Variants in PPP1R37 observed in about 807,000 individuals in gnomAD.
PPP1R37 encodes leucine rich repeat containing 68.
Under a neutral mutation model 61.0 loss-of-function variants are expected in PPP1R37, and 21 were observed. The ratio of observed to expected loss-of-function variants is 0.34; its 90% CI spans 0.24 to 0.50. PPP1R37 has a LOEUF of 0.50. Among genes scored for constraint, PPP1R37 ranks in the 20% least tolerant of loss-of-function variants. The pLI is 0.98. For synonymous variants in PPP1R37, 443 were observed against 433.5 expected (o/e 1.02, Z -0.27); for missense variants, 910 against 952.7 (o/e 0.96, Z 0.59).
intron 1 of PPP1R37, among the ~76,000 whole-genome samples, chr19:45,100,792 G>C (rs929043133): frequency 3.3e-5 from 5 of 152,170 alleles, no homozygotes; most frequent in African/African-American, 1.2e-4. Context: ...CCCAGCCTTG[G>C]TGGGCACGCA....
rs575509990 is a variant in PPP1R37, at chr19:45,134,035, C to T, written c.203-4479C>T. Among the ~76,000 whole-genome samples, 4 of 152,360 alleles carry T rather than the reference C, an allele frequency of 2.6e-5. No homozygotes were observed. In the South Asian group the frequency reaches 8.3e-4, roughly 32 times the overall value. ...AACTGTTTCACGCTGCCATTTTCTT[C>T]TTAGCCACCTCCTCACACCATTTTA... On this transcript the variant is annotated intron_variant, in intron 1 of 12. Transcript: ENST00000221462.
chr19:45,143,845 T>C (rs1235248625), intron 8 of PPP1R37: 2 of 423,922 alleles, frequency 4.7e-6, no homozygotes, highest in African/African-American at 4.2e-5. Flanking sequence ...TCCTTTTTTT[T>C]TTTGAGACCG....
At chr19:45,133,857 T>C (rs2122744672) in intron 1 of PPP1R37, among the ~76,000 whole-genome samples, 1 of 152,346 alleles carries the variant, frequency 6.6e-6, no homozygotes, top group Non-Finnish European at 1.5e-5. Flanking sequence ...GCTGGCCCTG[T>C]GGTCAGACGT....
At chr19:45,128,094 A>G (rs1968431762) in intron 1 of PPP1R37, among the ~76,000 whole-genome samples, 1 of 152,174 alleles carries the variant, frequency 6.6e-6, no homozygotes, top group African/African-American at 2.4e-5. Flanking sequence ...ATAATTATGT[A>G]TTAATAAAAT....
At chr19:45,110,529 A>G (rs748628133) in intron 1 of PPP1R37, among the ~76,000 whole-genome samples, 1 of 152,092 alleles carries the variant, frequency 6.6e-6, no homozygotes, top group Non-Finnish European at 1.5e-5. Context: ...GTTTTCCCCT[A>G]TAATATGCAT....
chr19:45,124,852 T>C (rs1425501188), intron 1 of PPP1R37, among the ~76,000 whole-genome samples: 3 of 149,318 alleles, frequency 2.0e-5, no homozygotes, highest in Non-Finnish European at 4.4e-5. Flanking sequence ...GTGCCTGTAG[T>C]CTCAGCTACT....
At chr19:45,113,151 C>T (rs1296248669) in intron 1 of PPP1R37, among the ~76,000 whole-genome samples, 1 of 152,166 alleles carries the variant, frequency 6.6e-6, no homozygotes, top group Non-Finnish European at 1.5e-5. Flanking sequence ...GTGAAGCCCA[C>T]CCGGCCCTCT....
chr19:45,131,563 T>C (rs928306211), intron 1 of PPP1R37, among the ~76,000 whole-genome samples: 3 of 152,082 alleles, frequency 2.0e-5, no homozygotes, highest in African/African-American at 7.2e-5. Context: ...ATCATAGGGG[T>C]GCTGAGCTGG....
chr19:45,104,029 C>A (rs957367463), intron 1 of PPP1R37, among the ~76,000 whole-genome samples: 1 of 152,132 alleles, frequency 6.6e-6, no homozygotes, highest in Admixed American at 6.5e-5. Flanking sequence ...GCACGCCCCT[C>A]GCTAGTCCCC....
At chr19:45,138,366 GA>G in intron 1 of PPP1R37, 147 bp from the exon 2 acceptor site, 1 of 626,108 alleles carries the variant, frequency 1.6e-6, no homozygotes, top group South Asian at 2.0e-5. Context: ...CGGGGGGCCT[GA>G]AAGGGAGGAC....
Position 45,108,632 on chromosome 19 carries a change from T to G in PPP1R37, c.202+15105T>G, listed in dbSNP as rs192953139. ...TAACTTCGGTTTTGTTTGTTTGTTT[T>G]GTATTTTTGTGGGTTTTTTTTTTTT... On this transcript the variant is annotated intron_variant, in intron 1 of 12. Transcript: ENST00000221462. 4.7e-5 allele frequency: 6 copies of G among 128,872 alleles called. No individual in the cohort carries two copies. The East Asian group carries it at 1.4e-3, about 30-fold the overall frequency. The allele number at this position is 128,872 out of a possible 1,614,324, so 8.0% of individuals were successfully genotyped here.
chr19:45,129,530 C>G (rs536065779), intron 1 of PPP1R37, among the ~76,000 whole-genome samples: 1 of 152,144 alleles, frequency 6.6e-6, no homozygotes, highest in South Asian at 2.1e-4. Context: ...AACTCCTGAC[C>G]TCGTGATCTG....
At chr19:45,139,946 A>G (rs1299363548) in intron 2 of PPP1R37, among the ~76,000 whole-genome samples, 1 of 152,172 alleles carries the variant, frequency 6.6e-6, no homozygotes, top group Non-Finnish European at 1.5e-5. Context: ...ATACCCAGAG[A>G]TGCTGGGCCC....
chr19:45,145,193 C>G lies in PPP1R37; in HGVS notation c.1229C>G (p.Ser410Trp). Residue 410 changes from serine to tryptophan, a missense_variant, in exon 10 of 13, where the codon TCG becomes TGG. By Grantham distance (177) the Ser-to-Trp change is radical. Coordinates refer to ENST00000221462, the MANE Select transcript of PPP1R37 (RefSeq NM_019121.2). ...EIKTGGLMAL[S>W]LALKVNHSLL... ...AAGACAGGCGGGCTCATGGCACTGT[C>G]GTTGGCCCTCAAGGTGAACCACTCA... The G allele has an allele frequency of 6.5e-7, 1 of 1,535,276 alleles. No individual in the cohort carries two copies. The highest frequency in any genetic ancestry group is 8.7e-7 in the Non-Finnish European group (1 of 1,146,532).
At chr19:45,139,448 G>C (rs201207904) in intron 2 of PPP1R37, among the ~76,000 whole-genome samples, 1 of 152,174 alleles carries the variant, frequency 6.6e-6, no homozygotes, top group Non-Finnish European at 1.5e-5. Context: ...CCACCCTGCC[G>C]GTCCCCCAGC....
chr19:45,095,983 G>C (rs1967988359), intron 1 of PPP1R37, among the ~76,000 whole-genome samples: 1 of 152,080 alleles, frequency 6.6e-6, no homozygotes, highest in East Asian at 1.9e-4. Flanking sequence ...ACCTCGGGCT[G>C]GTTACCTAAC....
At chr19:45,112,397 G>A (rs1475177335) in intron 1 of PPP1R37, among the ~76,000 whole-genome samples, 2 of 123,484 alleles carry the variant, frequency 1.6e-5, no homozygotes, top group African/African-American at 6.1e-5. Context: ...TAGTTGATGA[G>A]TACATTTGGC....
At chr19:45,128,701 C>T (rs547517017) in intron 1 of PPP1R37, 2 of 1,036,362 alleles carry the variant, frequency 1.9e-6, no homozygotes, top group African/African-American at 1.6e-5. Context: ...GAGATGTCTG[C>T]TTGGAAGACT....
At chr19:45,134,561 CTT>C (rs762221707) in intron 1 of PPP1R37, among the ~76,000 whole-genome samples, 5 of 142,468 alleles carry the variant, frequency 3.5e-5, no homozygotes, top group Admixed American at 7.0e-5. Context: ...GTGCTCATTC[CTT>C]TTTTTTTTTT....
Sources: allele counts gnomAD v4.1 joint callset (sites outside exome capture counted in the v4.1 genomes callset), GRCh38; gene constraint gnomAD v4.1.1; transcripts MANE v1.5; gene names NCBI Gene and HGNC (gene_info 2026-07-23, HGNC 2026-07-21).